The following DNAJC1 variants were observed in gnomAD, a reference collection of about 807,000 sequenced individuals.
DNAJC1 encodes dnaJ homolog subfamily C member 1.
DNAJC1 carries 58 observed loss-of-function variants against 76.6 expected under a neutral mutation model. The observed-to-expected ratio is 0.76, with a 90% confidence interval of 0.61 to 0.94. The LOEUF (loss-of-function observed/expected upper bound fraction) is 0.94, where lower values mean the gene tolerates loss of function less well. Ranked by LOEUF, DNAJC1 falls within the 40% of genes least tolerant of loss-of-function variation. The probability of loss-of-function intolerance (pLI) is 0.00; values close to 1 mark genes in which losing one functional copy is unlikely to be tolerated. For missense variants in DNAJC1, 689 were observed against 677.3 expected (o/e 1.02, Z -0.19); for synonymous variants, 258 against 267.9 (o/e 0.96, Z 0.36).
intron 1 of DNAJC1, among the ~76,000 whole-genome samples, chr10:21,950,711 G>T (rs552608035): frequency 6.6e-6 from 1 of 152,216 alleles, no homozygotes; most frequent in East Asian, 1.9e-4. Context: ...CTACTCCAGT[G>T]AACACATGAA....
At chr10:21,923,094 A>C (rs1467798351) in intron 3 of DNAJC1, among the ~76,000 whole-genome samples, 1 of 151,964 alleles carries the variant, frequency 6.6e-6, no homozygotes, top group Non-Finnish European at 1.5e-5. Flanking sequence ...TTTGGTGTAC[A>C]AATTCAAGAT....
At chr10:21,813,149 TG>T (rs1409493488) in intron 8 of DNAJC1, among the ~76,000 whole-genome samples, 1 of 116,268 alleles carries the variant, frequency 8.6e-6, no homozygotes, top group East Asian at 2.4e-4. Flanking sequence ...TTGGGTTACT[TG>T]TCTCTCTCTC....
intron 1 of DNAJC1, among the ~76,000 whole-genome samples, chr10:21,938,942 G>A (rs1392660089): frequency 6.6e-6 from 1 of 152,208 alleles, no homozygotes; most frequent in African/African-American, 2.4e-5. Context: ...CCAGGCTGGA[G>A]TGCAGTCGTG....
chr10:21,768,194 C>G (rs1379008415), intron 9 of DNAJC1, among the ~76,000 whole-genome samples: 2 of 152,120 alleles, frequency 1.3e-5, no homozygotes, highest in Non-Finnish European at 2.9e-5. Context: ...CCATCCTTTC[C>G]ATTTATTTAA....
At chr10:21,960,372 G>A (rs1172252396) in intron 1 of DNAJC1, among the ~76,000 whole-genome samples, 2 of 151,984 alleles carry the variant, frequency 1.3e-5, no homozygotes, top group Non-Finnish European at 2.9e-5. Flanking sequence ...TGAAGAATTC[G>A]GGAATAAAAA....
At chr10:21,807,424 C>G (rs961161511) in intron 8 of DNAJC1, among the ~76,000 whole-genome samples, 12 of 152,196 alleles carry the variant, frequency 7.9e-5, no homozygotes, top group East Asian at 1.9e-4. Context: ...TGACTTTTTA[C>G]TGTCTCCCCC....
intron 9 of DNAJC1, among the ~76,000 whole-genome samples, chr10:21,795,188 T>C (rs958326269): frequency 1.3e-5 from 2 of 152,206 alleles, no homozygotes; most frequent in African/African-American, 4.8e-5. Flanking sequence ...TAATAAGTAC[T>C]ATACAGATTA....
chr10:21,831,911 A>T (rs1179742701), intron 8 of DNAJC1, among the ~76,000 whole-genome samples: 1 of 151,958 alleles, frequency 6.6e-6, no homozygotes, highest in African/African-American at 2.4e-5. Context: ...ATTTACTCTT[A>T]TGTCTATAAC....
intron 8 of DNAJC1, among the ~76,000 whole-genome samples, chr10:21,859,773 T>C (rs993033244): frequency 1.3e-5 from 2 of 152,042 alleles, no homozygotes; most frequent in Non-Finnish European, 2.9e-5. Context: ...AGATAAACTC[T>C]TGGAGAAAAA....
intron 5 of DNAJC1, 23 bp from the exon 6 acceptor site, chr10:21,918,895 ACAC>A (rs1300664651): frequency 2.3e-5 from 34 of 1,496,582 alleles, no homozygotes; most frequent in Non-Finnish European, 3.2e-5. Flanking sequence ...AGAAAAAAGA[ACAC>A]CATACAACAT....
intron 8 of DNAJC1, among the ~76,000 whole-genome samples, chr10:21,820,789 C>T (rs80329274): frequency 0.035 from 5,333 of 152,194 alleles, 161 homozygotes; most frequent in African/African-American, 0.069. Flanking sequence ...CTCACACAAC[C>T]CAGGGAAATA....
chr10:21,774,066 G>A lies in DNAJC1; in HGVS notation c.1099-7757C>T, dbSNP rs1259157179. Among the ~76,000 whole-genome samples, 22 of 148,554 alleles carry A rather than the reference G, an allele frequency of 1.5e-4. No individual in the cohort carries two copies. The South Asian group carries it at 3.6e-3, about 25-fold the overall frequency. ...TGAGGCAGGAGAATGGCGTGAACCC[G>A]GGAGGCGGAGCTTGCAGTGAGCCGA... On this transcript the variant is annotated intron_variant, in intron 9 of 11. Coordinates refer to ENST00000376980, the MANE Select transcript of DNAJC1 (RefSeq NM_022365.4).
chr10:21,881,694 T>A (rs1407297377), intron 8 of DNAJC1, among the ~76,000 whole-genome samples: 1 of 151,898 alleles, frequency 6.6e-6, no homozygotes, highest in African/African-American at 2.4e-5. Context: ...TGATCACAGA[T>A]GACCATACCA....
At chr10:21,903,187 G>C (rs1836686393) in intron 7 of DNAJC1, among the ~76,000 whole-genome samples, 1 of 152,158 alleles carries the variant, frequency 6.6e-6, no homozygotes, top group Admixed American at 6.5e-5. Flanking sequence ...CAAAAGAGCT[G>C]GGATTACAGG....
chr10:21,888,265 G>A (rs1836399478), intron 7 of DNAJC1, among the ~76,000 whole-genome samples: 2 of 152,124 alleles, frequency 1.3e-5, no homozygotes, highest in African/African-American at 2.4e-5. Flanking sequence ...GGAGAAAAGG[G>A]AACACCTATA....
At chr10:21,778,663 T>C (rs565865046) in intron 9 of DNAJC1, among the ~76,000 whole-genome samples, 1 of 152,268 alleles carries the variant, frequency 6.6e-6, no homozygotes, top group Admixed American at 6.5e-5. Flanking sequence ...CAGCTCCCAG[T>C]GTGAGCGACG....
chr10:21,886,658 G>T (rs1266745191), intron 7 of DNAJC1, among the ~76,000 whole-genome samples: 1 of 152,124 alleles, frequency 6.6e-6, no homozygotes, highest in African/African-American at 2.4e-5. Flanking sequence ...AGGTAGCAAG[G>T]TTGGTACAAC....
At chr10:21,908,501 GA>G (rs1292465587) in intron 6 of DNAJC1, among the ~76,000 whole-genome samples, 5 of 145,768 alleles carry the variant, frequency 3.4e-5, no homozygotes, top group Admixed American at 2.1e-4. Flanking sequence ...GGGGGGGGGT[GA>G]ATTCAAGTGA....
chr10:21,852,705 G>T (rs1260463791), intron 8 of DNAJC1, among the ~76,000 whole-genome samples: 1 of 151,698 alleles, frequency 6.6e-6, no homozygotes. Flanking sequence ...CAAGCATAAT[G>T]CTTGGTTAGG....
Sources: allele counts gnomAD v4.1 joint callset (sites outside exome capture counted in the v4.1 genomes callset), GRCh38; gene constraint gnomAD v4.1.1; transcripts MANE v1.5; gene names NCBI Gene and HGNC (gene_info 2026-07-23, HGNC 2026-07-21).